Variants in ALK observed in about 807,000 individuals in gnomAD.
ALK encodes the protein ALK tyrosine kinase receptor.
A neutral mutation model predicts 163.1 loss-of-function variants in ALK; 74 were observed. The ratio of observed to expected loss-of-function variants is 0.45; its 90% CI spans 0.38 to 0.55. The LOEUF (loss-of-function observed/expected upper bound fraction) is 0.55. ALK is among the 20% of genes least tolerant of loss of function. The pLI, the probability that ALK is intolerant of heterozygous loss-of-function variation, is 0.00. For missense variants in ALK, 2,063 were observed against 2,105.3 expected, an observed-to-expected ratio of 0.98 and a Z score of 0.39; for synonymous variants, 960 against 843.2, an observed-to-expected ratio of 1.14 and a Z score of -2.40.
At chr2:29,676,263 GT>G (rs1450123694) in intron 3 of ALK, among the ~76,000 whole-genome samples, 1 of 151,862 alleles carries the variant, frequency 6.6e-6, no homozygotes, top group African/African-American at 2.4e-5. Context: ...ACCTAAAAAC[GT>G]TTTTCCCCAC....
At chr2:29,245,098 C>A (rs1256026910) in intron 12 of ALK, among the ~76,000 whole-genome samples, 1 of 152,018 alleles carries the variant, frequency 6.6e-6, no homozygotes, top group African/African-American at 2.4e-5. Flanking sequence ...ACAGTAGGGG[C>A]TCCATGGCTC....
intron 1 of ALK, among the ~76,000 whole-genome samples, chr2:29,854,107 C>T (rs1666078847): frequency 6.6e-6 from 1 of 152,052 alleles, no homozygotes; most frequent in African/African-American, 2.4e-5. Context: ...CCTCCTCCAC[C>T]CTGCACAGGA....
At chr2:29,853,636 CA>C (rs1467613915) in intron 1 of ALK, among the ~76,000 whole-genome samples, 2 of 152,200 alleles carry the variant, frequency 1.3e-5, no homozygotes, top group African/African-American at 4.8e-5. Flanking sequence ...ACACTTAATT[CA>C]GATCATGCCA....
intron 4 of ALK, among the ~76,000 whole-genome samples, chr2:29,483,956 C>T (rs548571468): frequency 3.2e-4 from 49 of 152,230 alleles, no homozygotes; most frequent in African/African-American, 1.1e-3. Flanking sequence ...CTCACAATCA[C>T]GGCGGAAGGC....
chr2:29,275,854 G>A (rs763182799), intron 9 of ALK, among the ~76,000 whole-genome samples: 3 of 152,140 alleles, frequency 2.0e-5, no homozygotes, highest in Non-Finnish European at 2.9e-5. Flanking sequence ...TAACTGCTTC[G>A]TTCAGTAAAC....
intron 11 of ALK, among the ~76,000 whole-genome samples, chr2:29,261,319 C>G (rs953952983): frequency 3.3e-5 from 5 of 151,650 alleles, no homozygotes; most frequent in Admixed American, 6.6e-5. Flanking sequence ...ATTTTGCTGT[C>G]AATATTGTTC....
chr2:29,725,328 A>C (rs1173300469), intron 1 of ALK, among the ~76,000 whole-genome samples: 1 of 152,076 alleles, frequency 6.6e-6, no homozygotes, highest in African/African-American at 2.4e-5. Flanking sequence ...ACTTATGCCC[A>C]AGCTAATCTC....
intron 1 of ALK, among the ~76,000 whole-genome samples, chr2:29,825,308 A>T (rs1280457391): frequency 2.0e-5 from 3 of 152,192 alleles, no homozygotes; most frequent in African/African-American, 7.2e-5. Flanking sequence ...TTCATCATAT[A>T]TGTATTAAGT....
chr2:29,645,021 G>A (rs1012051244), intron 3 of ALK, among the ~76,000 whole-genome samples: 2 of 152,102 alleles, frequency 1.3e-5, no homozygotes, highest in African/African-American at 4.8e-5. Flanking sequence ...TGGAGGCCTT[G>A]GAGATGTCCC....
In ALK at chr2:29,228,939, A is replaced by ACCCCCCCCTGTCTCCCCCC; in HGVS notation, c.2759_2760insGGGGGGAGACAGGGGGGGG (p.Phe921GlyfsTer33). ...AGCACCCCCCTCCACCCCCTCCGAA[A>ACCCCCCCCTGTCTCCCCCC]CCCCCTCTTGTCTCCCACCCCCACT... On this transcript the variant is annotated frameshift_variant, in exon 16 of 29. Transcript: ENST00000389048. LOFTEE classifies it high-confidence loss of function. 7.1e-7 allele frequency: 1 copy of ACCCCCCCCTGTCTCCCCCC among 1,412,032 alleles called. No homozygotes were observed. The highest frequency in any genetic ancestry group is 1.2e-5 in the South Asian group (1 of 82,372). The allele number at this position is 1,412,032 out of a possible 1,614,324, so 87.5% of individuals were successfully genotyped here.
At position 29,227,193 on chromosome 2, in the gene ALK, A is replaced by G; in HGVS notation, c.2915-119T>C. On this transcript the variant is annotated intron_variant, in intron 17 of 28. Transcript: ENST00000389048. The surrounding 1 kb of genome is among the most constrained non-coding windows in gnomAD (Gnocchi z 4.4). The stretch of plus-strand genomic sequence containing the variant: ...CTGGTGGTCCCTGTTCCTAGGTCCC[A>G]TAGCCACTGGAAGCACAACTGTGTA... 7.6e-7 allele frequency: 1 copy of G among 1,316,816 alleles called. No homozygotes were observed. Among genetic ancestry groups the G allele is most frequent in the Non-Finnish European group, 1.1e-6 (1 of 917,452 alleles). 81.6% of individuals were successfully genotyped at this position (1,316,816 alleles called of 1,614,324 possible). A position where few individuals can be genotyped will look rare whatever the true frequency, so the allele number is the denominator to read the frequency against.
intron 3 of ALK, among the ~76,000 whole-genome samples, chr2:29,642,514 A>G (rs1676734138): frequency 6.6e-6 from 1 of 152,178 alleles, no homozygotes; most frequent in African/African-American, 2.4e-5. Context: ...TCTCCTGCAT[A>G]TTTCTTTAAA....
At chr2:29,510,617 G>A (rs1672484607) in intron 4 of ALK, among the ~76,000 whole-genome samples, 4 of 152,164 alleles carry the variant, frequency 2.6e-5, no homozygotes, top group African/African-American at 2.4e-5. Context: ...ATAACTAATA[G>A]TGAAACAACA....
rs566310297 is a variant in ALK at position 29,598,122 on chromosome 2, G to A, written c.953-66006C>T. On this transcript the variant is annotated intron_variant, in intron 3 of 28. Coordinates refer to ENST00000389048, the MANE Select transcript of ALK (RefSeq NM_004304.5). ...GGCTCACTGCAACCTCTGCCTCCTC[G>A]GTTCAAGCGATTCTCCTGCCTCACC... 1.1e-4 allele frequency among the ~76,000 whole-genome samples: 16 copies of A among 152,292 alleles called. No individual in the cohort carries two copies. In the South Asian group the frequency reaches 2.7e-3, roughly 26 times the overall value.
At chr2:29,324,546 T>A (rs1667189733) in intron 6 of ALK, among the ~76,000 whole-genome samples, 1 of 152,192 alleles carries the variant, frequency 6.6e-6, no homozygotes, top group Non-Finnish European at 1.5e-5. Flanking sequence ...TAAAACACTG[T>A]TTTTGCCTGG....
At chr2:29,351,017 T>G (rs560534427) in intron 5 of ALK, among the ~76,000 whole-genome samples, 43 of 152,190 alleles carry the variant, frequency 2.8e-4, no homozygotes, top group Non-Finnish European at 5.4e-4. Flanking sequence ...ATTCATATTG[T>G]ACATTAGCAA....
chr2:29,371,238 C>G (rs189471191), intron 5 of ALK, among the ~76,000 whole-genome samples: 57 of 152,356 alleles, frequency 3.7e-4, no homozygotes, highest in African/African-American at 1.3e-3. Context: ...AAACCGTGCT[C>G]TCAGCATAAC....
chr2:29,642,034 CA>C (rs1485840486), intron 3 of ALK, among the ~76,000 whole-genome samples: 4 of 152,144 alleles, frequency 2.6e-5, no homozygotes, highest in African/African-American at 4.8e-5. Flanking sequence ...TATTTTGAAC[CA>C]CTTGCTTGGA....
intron 4 of ALK, among the ~76,000 whole-genome samples, chr2:29,422,961 A>C (rs1670053158): frequency 6.7e-6 from 1 of 149,732 alleles, no homozygotes; most frequent in Non-Finnish European, 1.5e-5. Context: ...AGCCTAAGAG[A>C]TCTTACCTGG....
Sources: allele counts gnomAD v4.1 joint callset (sites outside exome capture counted in the v4.1 genomes callset), GRCh38; gene constraint gnomAD v4.1.1; non-coding constraint Gnocchi (gnomAD v3.1); transcripts MANE v1.5; gene names NCBI Gene and HGNC (gene_info 2026-07-23, HGNC 2026-07-21).